PTPRR: variants seen among roughly 807,000 people sequenced by gnomAD.
PTPRR encodes receptor-type tyrosine-protein phosphatase R.
Under a neutral mutation model 77.2 loss-of-function variants are expected in PTPRR, and 38 were observed. The ratio of observed to expected loss-of-function variants is 0.49; its 90% CI spans 0.38 to 0.65. The LOEUF (loss-of-function observed/expected upper bound fraction) is 0.65, where lower values mean the gene tolerates loss of function less well. PTPRR is among the 30% of genes least tolerant of loss of function. The pLI is 0.00. For synonymous variants in PTPRR, 299 were observed against 283.1 expected, an observed-to-expected ratio of 1.06 and a Z score of -0.57; for missense variants, 744 against 799.2, an observed-to-expected ratio of 0.93 and a Z score of 0.83.
In PTPRR at chr12:70,701,620, TA is replaced by T. The variant is rs879835590; in HGVS notation, c.1008-298del. Among the ~76,000 whole-genome samples the T allele has an allele frequency of 4.2e-3, 637 of 151,586 alleles. 4 individuals carry two copies. Among genetic ancestry groups the T allele is most frequent in the African/African-American group, 0.014 (568 of 41,336 alleles). On this transcript the variant is annotated intron_variant, in intron 6 of 13. Transcript: ENST00000283228. ...TAATAATATTAAGTGAAAAATTAAG[TA>T]AAAAAAAATTAGGAAAAGCTATATC...
chr12:70,737,898 C>A (rs961596873), intron 6 of PTPRR, among the ~76,000 whole-genome samples: 18 of 152,158 alleles, frequency 1.2e-4, no homozygotes, highest in African/African-American at 4.3e-4. Context: ...ATTCTATTCC[C>A]TTCTCTTTAC....
At chr12:70,797,323 C>T (rs1480571653) in intron 2 of PTPRR, among the ~76,000 whole-genome samples, 3 of 152,150 alleles carry the variant, frequency 2.0e-5, no homozygotes, top group South Asian at 2.1e-4. Flanking sequence ...TCCAATTATG[C>T]TCCCATCCCC....
chr12:70,687,101 G>A (rs893831925), intron 8 of PTPRR, among the ~76,000 whole-genome samples: 7 of 151,794 alleles, frequency 4.6e-5, no homozygotes, highest in African/African-American at 1.5e-4. Context: ...ATTCTATAAC[G>A]TACATACTGT....
chr12:70,733,731 T>C (rs912169533), intron 6 of PTPRR, among the ~76,000 whole-genome samples: 4 of 152,068 alleles, frequency 2.6e-5, no homozygotes, highest in Non-Finnish European at 5.9e-5. Context: ...AAAAAGATAG[T>C]TTTATATTTA....
intron 2 of PTPRR, among the ~76,000 whole-genome samples, chr12:70,793,862 C>T (rs566770544): frequency 6.6e-6 from 1 of 152,124 alleles, no homozygotes; most frequent in African/African-American, 2.4e-5. Flanking sequence ...TTCCCAGGAC[C>T]CTCAGTTCTT....
At chr12:70,737,512 A>G (rs919100422) in intron 6 of PTPRR, among the ~76,000 whole-genome samples, 1 of 151,396 alleles carries the variant, frequency 6.6e-6, no homozygotes, top group African/African-American at 2.4e-5. Flanking sequence ...CTATCTATCT[A>G]TCTATCTATC....
chr12:70,876,006 A>G (rs1022076906), intron 2 of PTPRR, among the ~76,000 whole-genome samples: 2 of 152,188 alleles, frequency 1.3e-5, no homozygotes, highest in African/African-American at 4.8e-5. Context: ...AAAGAACAAC[A>G]ATGAACTACT....
chr12:70,917,007 A>G (rs1055096671), intron 1 of PTPRR, among the ~76,000 whole-genome samples: 1 of 152,244 alleles, frequency 6.6e-6, no homozygotes, highest in Non-Finnish European at 1.5e-5. Context: ...AGAATTTTTA[A>G]TATATCTCAA....
At chr12:70,896,521 A>G (rs909235314) in intron 1 of PTPRR, among the ~76,000 whole-genome samples, 1 of 151,712 alleles carries the variant, frequency 6.6e-6, no homozygotes, top group Non-Finnish European at 1.5e-5. Flanking sequence ...TATACAAGGT[A>G]TACTCTTTGA....
At chr12:70,903,336 T>C (rs1893570992) in intron 1 of PTPRR, among the ~76,000 whole-genome samples, 2 of 151,956 alleles carry the variant, frequency 1.3e-5, no homozygotes, top group East Asian at 1.9e-4. Context: ...TGTATATCTA[T>C]ATAAAAACAT....
intron 2 of PTPRR, among the ~76,000 whole-genome samples, chr12:70,799,574 T>C (rs976467751): frequency 5.3e-5 from 8 of 152,202 alleles, no homozygotes; most frequent in Admixed American, 1.3e-4. Flanking sequence ...TTTTACCCTA[T>C]GGACATATAT....
At chr12:70,899,234 C>A (rs1014311690) in intron 1 of PTPRR, among the ~76,000 whole-genome samples, 1 of 151,122 alleles carries the variant, frequency 6.6e-6, no homozygotes, top group Non-Finnish European at 1.5e-5. Flanking sequence ...GCCAAAATTA[C>A]CCTGATAACA....
chr12:70,875,261 T>C (rs1893031452), intron 2 of PTPRR, among the ~76,000 whole-genome samples: 1 of 152,178 alleles, frequency 6.6e-6, no homozygotes, highest in South Asian at 2.1e-4. Flanking sequence ...GTTTGTAGAA[T>C]ACAAAACAAC....
intron 2 of PTPRR, chr12:70,788,696 A>G: frequency 2.6e-6 from 2 of 760,772 alleles, no homozygotes; most frequent in Middle Eastern, 4.5e-4. Context: ...CATAAGTTCT[A>G]TGCTGACTCA....
At chr12:70,694,315 T>C (rs1296297595) in intron 8 of PTPRR, among the ~76,000 whole-genome samples, 1 of 152,182 alleles carries the variant, frequency 6.6e-6, no homozygotes. Flanking sequence ...CTTATATTTG[T>C]ATCAACACAC....
rs139772602 is a variant in PTPRR at position 70,830,135 on chromosome 12, A to C, written c.357+62544T>G. Among the ~76,000 whole-genome samples the C allele has an allele frequency of 1.3e-4, 20 of 152,292 alleles. No homozygotes were observed. In the East Asian group the frequency reaches 3.9e-3, roughly 29 times the overall value. On this transcript the variant is annotated intron_variant, in intron 2 of 13. Transcript: ENST00000283228. ...AAACAAAAAAGCGTGCTCCTGCGGC[A>C]GTATTAGGGCCTGGGGTAGAAATAT... is the stretch of plus-strand genomic sequence containing the variant.
rs557818560 is a variant in PTPRR at position 70,731,281 on chromosome 12, C to T, written c.1007+14537G>A. ...ATTTGGATGGAAGAAAAATCCCTCC[C>T]CAGAAATGAAAAAAAAATGTTGGAG... On this transcript the variant is annotated intron_variant, in intron 6 of 13. Transcript: ENST00000283228. Among the ~76,000 whole-genome samples the T allele has an allele frequency of 4.6e-5, 7 of 152,062 alleles. No individual in the cohort carries two copies. The East Asian group carries it at 1.2e-3, about 25-fold the overall frequency.
At chr12:70,704,253 C>T (rs183259723) in intron 6 of PTPRR, among the ~76,000 whole-genome samples, 257 of 151,950 alleles carry the variant, frequency 1.7e-3, no homozygotes, top group African/African-American at 5.9e-3. Flanking sequence ...AAGACCCTGT[C>T]TCTACAAAAA....
At chr12:70,871,543 C>T (rs1467344811) in intron 2 of PTPRR, among the ~76,000 whole-genome samples, 3 of 152,056 alleles carry the variant, frequency 2.0e-5, no homozygotes, top group Non-Finnish European at 4.4e-5. Context: ...CCTGGTATAG[C>T]AATATACATT....
Sources: gnomAD v4.1 joint callset for allele counts (sites outside exome capture counted in the v4.1 genomes callset) on GRCh38, gnomAD v4.1.1 for gene constraint, MANE v1.5 for transcripts, NCBI Gene and HGNC (gene_info 2026-07-23, HGNC 2026-07-21) for gene names.